The following PTGFRN variants were observed in gnomAD, a reference collection of about 807,000 sequenced individuals.
The protein encoded by PTGFRN is prostaglandin F2 receptor inhibitor, also known as prostaglandin F2 receptor negative regulator.
Under a neutral mutation model 83.2 loss-of-function variants are expected in PTGFRN, and 35 were observed. That is an observed-to-expected ratio of 0.42 (90% CI 0.32 to 0.56). PTGFRN has a LOEUF of 0.56. Among genes scored for constraint, PTGFRN ranks in the 20% least tolerant of loss-of-function variants. The pLI is 0.11. For synonymous variants in PTGFRN, 519 were observed against 498.6 expected, an observed-to-expected ratio of 1.04 and a Z score of -0.55; for missense variants, 1,051 against 1,179.5, an observed-to-expected ratio of 0.89 and a Z score of 1.60.
At chr1:116,935,782 A>G (rs1028824911) in intron 1 of PTGFRN, among the ~76,000 whole-genome samples, 19 of 152,192 alleles carry the variant, frequency 1.2e-4, no homozygotes, top group African/African-American at 4.3e-4. Context: ...GAAAGAATGT[A>G]CAATGGTCCA....
At chr1:116,910,668 C>A (rs74925023) in intron 1 of PTGFRN, among the ~76,000 whole-genome samples, 2 of 152,066 alleles carry the variant, frequency 1.3e-5, no homozygotes, top group African/African-American at 4.8e-5. Context: ...TTGATATGCC[C>A]CGCCATAGCC....
rs181481871 is a variant in PTGFRN, at chr1:116,978,491, G to A, written c.2167+4168G>A. 3.2e-3 allele frequency among the ~76,000 whole-genome samples: 493 copies of A among 152,206 alleles called. 1 individual carries two copies. Among genetic ancestry groups the A allele is most frequent in the African/African-American group, 0.011 (438 of 41,524 alleles). Reference sequence around the variant, plus strand: ...ATCCTCAATAAAATACTGGCAAACCGAATCCAGCAGCACATCAAAAGGCTT... The same window carrying A: ...ATCCTCAATAAAATACTGGCAAACCAAATCCAGCAGCACATCAAAAGGCTT... On this transcript the variant is annotated intron_variant, in intron 7 of 8. Coordinates refer to ENST00000393203, the MANE Select transcript of PTGFRN (RefSeq NM_020440.4).
At chr1:116,925,118 AG>A (rs1310980541) in intron 1 of PTGFRN, among the ~76,000 whole-genome samples, 8 of 152,124 alleles carry the variant, frequency 5.3e-5, no homozygotes, top group Non-Finnish European at 1.2e-4. Flanking sequence ...CTTTAGGCAG[AG>A]GGAAGAGCAC....
intron 4 of PTGFRN, among the ~76,000 whole-genome samples, chr1:116,953,404 C>A (rs568479065): frequency 6.6e-6 from 1 of 152,162 alleles, no homozygotes; most frequent in Admixed American, 6.5e-5. Flanking sequence ...CAGAAGTGCA[C>A]GTGGCCAAGT....
Position 116,945,148 on chromosome 1 carries a change from T to TA in PTGFRN, c.832+57dup, listed in dbSNP as rs1191312315. ...GTTATTTTGTGACTAATGATAGTGATACAAAGAACCGGGCCAGGGAGCCCC... is the reference window on the plus strand; with the variant it reads ...GTTATTTTGTGACTAATGATAGTGATAACAAAGAACCGGGCCAGGGAGCCCC... On this transcript the variant is annotated intron_variant, in intron 3 of 8. Coordinates refer to ENST00000393203, the MANE Select transcript of PTGFRN (RefSeq NM_020440.4). The TA allele has an allele frequency of 4.5e-6, 7 of 1,540,288 alleles. No individual in the cohort carries two copies. In the African/African-American group the frequency reaches 9.5e-5, roughly 21 times the overall value.
chr1:116,942,086 A>G lies in PTGFRN; in HGVS notation c.418+3A>G. The G allele has an allele frequency of 3.1e-6, 5 of 1,604,316 alleles. No individual in the cohort carries two copies. Among genetic ancestry groups the G allele is most frequent in the Non-Finnish European group, 4.3e-6 (5 of 1,172,924 alleles). On this transcript the variant is annotated splice_donor_region_variant and intron_variant, in intron 2 of 8. Coordinates refer to ENST00000393203, the MANE Select transcript of PTGFRN (RefSeq NM_020440.4). ...TGAGGACACAGTGCAGGTTAAAGGT[A>G]CAGTCCTCACATGGGCTTGTTATGC... is the stretch of plus-strand genomic sequence containing the variant.
intron 1 of PTGFRN, among the ~76,000 whole-genome samples, chr1:116,934,189 A>G (rs900439110): frequency 2.6e-5 from 4 of 152,116 alleles, no homozygotes; most frequent in Admixed American, 6.5e-5. Context: ...TGTGTTGCCC[A>G]GGCAGGAGTA....
At chr1:116,985,139 G>A (rs1651427784) in intron 8 of PTGFRN, among the ~76,000 whole-genome samples, 154 bp downstream of exon 8, 2 of 152,244 alleles carry the variant, frequency 1.3e-5, no homozygotes, top group Non-Finnish European at 2.9e-5. Context: ...ACCCAGAAGG[G>A]CACCAGCAGC....
In PTGFRN at chr1:116,988,750, C is replaced by T. The variant is rs1349819170; in HGVS notation, c.*1783C>T. 6.5e-6 allele frequency: 1 copy of T among 152,800 alleles called. No individual in the cohort carries two copies. The highest frequency in any genetic ancestry group is 2.4e-5 in the African/African-American group (1 of 41,430). The allele number at this position is 152,800 out of a possible 1,614,324, so 9.5% of individuals were successfully genotyped here. On this transcript the variant is annotated 3_prime_UTR_variant, in exon 9 of 9. Transcript: ENST00000393203. ...CAGATTCCCATTGAGTTTTCCCCAC[C>T]AAGGGGACCATGCACATGGTAGAAA... is the stretch of plus-strand genomic sequence containing the variant.
intron 8 of PTGFRN, 145 bp downstream of exon 8, chr1:116,985,130 C>T (rs1651427538): frequency 1.3e-6 from 1 of 790,520 alleles, no homozygotes; most frequent in Non-Finnish European, 2.0e-6. Context: ...TGAGCCTGCA[C>T]CCAGAAGGGC....
Position 116,961,398 on chromosome 1 carries a change from A to C in PTGFRN, c.1369A>C (p.Asn457His). 6.2e-7 allele frequency: 1 copy of C among 1,613,612 alleles called. No homozygotes were observed. The highest frequency in any genetic ancestry group is 1.7e-4 in the Middle Eastern group (1 of 6,054). ...CTACAGGATGAACCGGCGCAGCGAC[A>C]ATGTGGTGACCAGCGAGCTGCTTGC... ...WYYRMNRRSD[N>H]VVTSELLAVM... Residue 457 changes from asparagine (N) to histidine (H), a missense_variant, in exon 5 of 9, where the codon AAT (asparagine) becomes CAT (histidine). Physicochemically the swap from Asn to His is moderately conservative, Grantham distance 68. Around this residue, in one of 3 missense-constraint regions of PTGFRN, gnomAD observed 719 missense variants for 836.6 expected, o/e 0.86. Transcript: ENST00000393203. This position sits in a 1 kb window ranked among gnomAD's most constrained non-coding sequence, Gnocchi z 5.4.
chr1:116,909,921 C>T lies in PTGFRN; in HGVS notation c.-283C>T, dbSNP rs976807548. ...GGGCGGGCGCTGCGGTTCTTCCCTT[C>T]TGCTTTCGGGAAGCGGTCGGGGCTG... On this transcript the variant is annotated 5_prime_UTR_variant, in exon 1 of 9. Coordinates refer to ENST00000393203, the MANE Select transcript of PTGFRN (RefSeq NM_020440.4). The T allele has an allele frequency of 4.2e-6, 2 of 472,172 alleles. No homozygotes were observed. The highest frequency in any genetic ancestry group is 4.2e-5 in the African/African-American group (2 of 48,042). 29.2% of individuals were successfully genotyped at this position (472,172 alleles called of 1,614,324 possible).
intron 4 of PTGFRN, among the ~76,000 whole-genome samples, chr1:116,950,385 C>T (rs1338079220): frequency 6.6e-6 from 1 of 152,164 alleles, no homozygotes; most frequent in Non-Finnish European, 1.5e-5. Flanking sequence ...CGCTCCCCAC[C>T]TCCATTATTA....
At chr1:116,924,187 G>A (rs1244530875) in intron 1 of PTGFRN, among the ~76,000 whole-genome samples, 1 of 96,452 alleles carries the variant, frequency 1.0e-5, no homozygotes, top group African/African-American at 4.0e-5. Flanking sequence ...TCACTCTTTT[G>A]CCTAGACTGG....
At chr1:116,983,214 C>T (rs1215029350) in intron 7 of PTGFRN, among the ~76,000 whole-genome samples, 1 of 152,176 alleles carries the variant, frequency 6.6e-6, no homozygotes, top group Non-Finnish European at 1.5e-5. Context: ...TTCATTAGTG[C>T]TGGTGCTGGG....
rs4128518 is a variant in PTGFRN, at chr1:116,952,198, T to C, written c.1213+2626T>C. On this transcript the variant is annotated intron_variant, in intron 4 of 8. Transcript: ENST00000393203. This position sits in a 1 kb window ranked among gnomAD's most constrained non-coding sequence, Gnocchi z 4.0. Reference sequence around the variant, plus strand: ...AATATTTTTGGCCTTGGGACTCAGCTTCATTCCTGAAACTCCAGAGCATAG... The same window carrying C: ...AATATTTTTGGCCTTGGGACTCAGCCTCATTCCTGAAACTCCAGAGCATAG... Among the ~76,000 whole-genome samples the C allele has an allele frequency of 0.61, 92,558 of 152,036 alleles. 29,034 individuals carry two copies. The highest frequency in any genetic ancestry group is 0.69 in the Admixed American group (10,615 of 15,288).
At chr1:116,984,311 C>T (rs1252094679) in intron 7 of PTGFRN, among the ~76,000 whole-genome samples, 1 of 152,008 alleles carries the variant, frequency 6.6e-6, no homozygotes, top group African/African-American at 2.4e-5. Flanking sequence ...GGCATACCAG[C>T]TTTCGGATCA....
chr1:116,917,091 G>C (rs532445545), intron 1 of PTGFRN, among the ~76,000 whole-genome samples: 1 of 152,150 alleles, frequency 6.6e-6, no homozygotes, highest in Non-Finnish European at 1.5e-5. Flanking sequence ...GTCACATGCT[G>C]CTACAGAACT....
chr1:116,965,893 C>T (rs932366182), intron 5 of PTGFRN, among the ~76,000 whole-genome samples: 3 of 152,020 alleles, frequency 2.0e-5, no homozygotes, highest in Non-Finnish European at 4.4e-5. Flanking sequence ...AATGAATGAC[C>T]GAACTCACAG....
Sources: gnomAD v4.1 joint callset for allele counts (sites outside exome capture counted in the v4.1 genomes callset) on GRCh38, gnomAD v4.1.1 for gene constraint, gnomAD v4.1.1 regional missense constraint, Gnocchi (gnomAD v3.1) non-coding constraint, MANE v1.5 for transcripts, NCBI Gene and HGNC (gene_info 2026-07-23, HGNC 2026-07-21) for gene names.